Variants in CCDC141 observed in about 807,000 individuals in gnomAD.
CCDC141 encodes coiled-coil domain-containing protein 141.
Under a neutral mutation model 181.0 loss-of-function variants are expected in CCDC141, and 168 were observed. The ratio of observed to expected loss-of-function variants is 0.93; its 90% CI spans 0.82 to 1.05. The LOEUF is 1.05. Ranked by LOEUF, CCDC141 falls within the 50% of genes least tolerant of loss-of-function variation. The pLI is 0.00. For missense variants in CCDC141, 1,902 were observed against 1,788.5 expected (o/e 1.06, Z -1.14); for synonymous variants, 666 against 642.3 (o/e 1.04, Z -0.56).
intron 6 of CCDC141, 83 bp downstream of exon 6, chr2:178,944,452 C>T: frequency 1.8e-6 from 1 of 553,976 alleles, no homozygotes; most frequent in Non-Finnish European, 3.0e-6. Flanking sequence ...TCTCAGTTCT[C>T]CTCTAAATTA....
rs187845268 is a variant in CCDC141, at chr2:178,866,676, G to T, written c.2575-760C>A. 4.3e-3 allele frequency among the ~76,000 whole-genome samples: 658 copies of T among 151,960 alleles called. 7 individuals carry two copies. The highest frequency in any genetic ancestry group is 0.015 in the African/African-American group (633 of 41,502). ...CCCCTCAAGTTAGAAATCTGGAAAA[G>T]GATTTTTTTGTTTTGTTTTGTTGTT... On this transcript the variant is annotated intron_variant, in intron 16 of 23. Coordinates refer to ENST00000443758, the MANE Select transcript of CCDC141 (RefSeq NM_173648.4).
Position 178,961,396 on chromosome 2 carries a change from A to G in CCDC141, c.614T>C (p.Val205Ala), listed in dbSNP as rs927664326. Reference sequence around the variant, plus strand: ...AGCTCCCTGAGTCAACTCAGGATTCACATTAGGTCCTTCACACTTGAATTT... The same window carrying G: ...AGCTCCCTGAGTCAACTCAGGATTCGCATTAGGTCCTTCACACTTGAATTT... ...IEKFKCEGPN[V>A]NPELTQGAHS... Residue 205 changes from valine to alanine, a missense_variant, in exon 5 of 24, where the codon GTG becomes GCG. Coordinates refer to ENST00000443758, the MANE Select transcript of CCDC141 (RefSeq NM_173648.4). The G allele has an allele frequency of 4.5e-6, 7 of 1,550,462 alleles. No individual in the cohort carries two copies. The African/African-American group carries it at 9.6e-5, about 21-fold the overall frequency.
chr2:178,864,343 G>A (rs560797767), intron 17 of CCDC141, among the ~76,000 whole-genome samples: 33 of 152,302 alleles, frequency 2.2e-4, no homozygotes, highest in Non-Finnish European at 3.2e-4. Flanking sequence ...TTGTAGCCTT[G>A]GGGAGACCAA....
chr2:179,015,042 G>C (rs2042385384), intron 2 of CCDC141, among the ~76,000 whole-genome samples: 1 of 114,806 alleles, frequency 8.7e-6, no homozygotes, highest in Non-Finnish European at 1.7e-5. Context: ...CAATCAATGA[G>C]TGGATAAACT....
intron 20 of CCDC141, among the ~76,000 whole-genome samples, chr2:178,851,078 T>C (rs143984302): frequency 0.019 from 2,820 of 152,042 alleles, 97 homozygotes; most frequent in African/African-American, 0.064. Context: ...TGGTGGCACA[T>C]GCCTGTGATC....
intron 1 of CCDC141, 50 bp from the exon 2 acceptor site, chr2:179,047,456 C>T: frequency 7.3e-7 from 1 of 1,371,086 alleles, no homozygotes; most frequent in South Asian, 1.8e-5. Flanking sequence ...CTTGTTCCTT[C>T]CTCTTCACCC....
chr2:178,922,364 G>A (rs1028109757), intron 6 of CCDC141, among the ~76,000 whole-genome samples: 2 of 152,176 alleles, frequency 1.3e-5, no homozygotes, highest in African/African-American at 4.8e-5. Flanking sequence ...TTCAAACTCA[G>A]GTAGTTTGAC....
At chr2:178,920,406 C>CAGAT (rs1464491044) in intron 6 of CCDC141, among the ~76,000 whole-genome samples, 3 of 152,096 alleles carry the variant, frequency 2.0e-5, no homozygotes, top group African/African-American at 7.2e-5. Flanking sequence ...TATGCTAAGA[C>CAGAT]AGATGCCTTG....
chr2:178,937,746 T>A (rs1466599701), intron 6 of CCDC141, among the ~76,000 whole-genome samples: 1 of 152,082 alleles, frequency 6.6e-6, no homozygotes, highest in Non-Finnish European at 1.5e-5. Context: ...TTTGTTCAAT[T>A]TTGGAGCTCG....
At chr2:179,003,820 T>C (rs913469434) in intron 2 of CCDC141, among the ~76,000 whole-genome samples, 4 of 152,202 alleles carry the variant, frequency 2.6e-5, no homozygotes, top group African/African-American at 9.6e-5. Context: ...AACAATGATT[T>C]ACTGTCAAGA....
chr2:179,009,428 T>C (rs1421679086), intron 2 of CCDC141, among the ~76,000 whole-genome samples: 2 of 152,090 alleles, frequency 1.3e-5, no homozygotes. Context: ...AAGGCTGTTG[T>C]TCAGATTCTT....
chr2:178,819,268 C>T, the CCDC141 span, among the ~76,000 whole-genome samples: 4 of 152,110 alleles, frequency 2.6e-5, no homozygotes, highest in African/African-American at 9.7e-5. Context: ...TTGAATTTTG[C>T]AGGCTTTTAT....
At chr2:178,907,397 C>T (rs1688018468) in intron 7 of CCDC141, among the ~76,000 whole-genome samples, 1 of 152,104 alleles carries the variant, frequency 6.6e-6, no homozygotes, top group African/African-American at 2.4e-5. Flanking sequence ...GGCTGTGGTG[C>T]CATGTGGCAA....
chr2:178,898,897 G>C lies in CCDC141; in HGVS notation c.1265+6432C>G, dbSNP rs142728841. ...TAAGCCTTTTAATACATTAAGATAA[G>C]TGTTTATCTTCCCTATTTCAAATAT... is the stretch of plus-strand genomic sequence containing the variant. On this transcript the variant is annotated intron_variant, in intron 8 of 23. Coordinates refer to ENST00000443758, the MANE Select transcript of CCDC141 (RefSeq NM_173648.4). 1.2e-3 allele frequency among the ~76,000 whole-genome samples: 182 copies of C among 152,216 alleles called. 2 individuals are homozygous for C. The highest frequency in any genetic ancestry group is 4.1e-3 in the African/African-American group (172 of 41,536).
chr2:178,903,568 G>C (rs931033936), intron 8 of CCDC141, among the ~76,000 whole-genome samples: 4 of 128,338 alleles, frequency 3.1e-5, no homozygotes, highest in Non-Finnish European at 6.3e-5. Context: ...AGAACACATG[G>C]ACACAGGAAG....
intron 8 of CCDC141, among the ~76,000 whole-genome samples, chr2:178,902,453 A>T (rs1440976975): frequency 6.6e-6 from 1 of 152,190 alleles, no homozygotes; most frequent in African/African-American, 2.4e-5. Flanking sequence ...ATAACACCGC[A>T]TATCTACAAC....
intron 2 of CCDC141, among the ~76,000 whole-genome samples, chr2:179,028,571 C>A (rs1367857396): frequency 2.0e-5 from 3 of 152,090 alleles, no homozygotes; most frequent in Non-Finnish European, 4.4e-5. Flanking sequence ...AAAATGGTAC[C>A]CTTTGGCAAT....
chr2:178,980,749 GAT>G (rs1218540152), intron 2 of CCDC141, among the ~76,000 whole-genome samples: 1 of 152,166 alleles, frequency 6.6e-6, no homozygotes, highest in African/African-American at 2.4e-5. Context: ...AATGTGAAGT[GAT>G]ATGTCAATTA....
chr2:178,887,641 C>T (rs547482568), intron 9 of CCDC141, among the ~76,000 whole-genome samples: 90 of 152,258 alleles, frequency 5.9e-4, no homozygotes, highest in Non-Finnish European at 1.1e-3. Context: ...TTGGAAACTC[C>T]CTAAACCCAG....
Sources: gnomAD v4.1 joint callset for allele counts (sites outside exome capture counted in the v4.1 genomes callset) on GRCh38, gnomAD v4.1.1 for gene constraint, MANE v1.5 for transcripts, NCBI Gene and HGNC (gene_info 2026-07-23, HGNC 2026-07-21) for gene names.